NRG1: variants seen among roughly 807,000 people sequenced by gnomAD.
NRG1 encodes pro-neuregulin-1, membrane-bound isoform.
A neutral mutation model predicts 63.8 loss-of-function variants in NRG1; 18 were observed. The ratio of observed to expected loss-of-function variants is 0.28; its 90% confidence interval spans 0.19 to 0.42. The LOEUF is 0.42. Among genes scored for constraint, NRG1 ranks in the 10% least tolerant of loss-of-function variants. The pLI is 1.00. For missense variants in NRG1, 762 were observed against 814.7 expected, an observed-to-expected ratio of 0.94 and a Z score of 0.79; for synonymous variants, 302 against 301.3, an observed-to-expected ratio of 1.00 and a Z score of -0.02.
intron 1 of NRG1, among the ~76,000 whole-genome samples, chr8:32,251,905 A>T (rs909424116): frequency 6.7e-6 from 1 of 150,168 alleles, no homozygotes; most frequent in African/African-American, 2.5e-5. Context: ...GCATAATGTC[A>T]TTTCTCTAAT....
intron 5 of NRG1, among the ~76,000 whole-genome samples, chr8:32,632,777 A>C (rs1460130232): frequency 6.6e-6 from 1 of 152,172 alleles, no homozygotes. Context: ...AGTTACCATC[A>C]GTTCATCTCT....
chr8:31,670,820 A>G (rs891854243), intron 1 of NRG1, among the ~76,000 whole-genome samples: 1 of 151,890 alleles, frequency 6.6e-6, no homozygotes, highest in East Asian at 1.9e-4. Flanking sequence ...CTTTTATATT[A>G]TGTTCAAGGG....
At chr8:32,720,630 T>C (rs554168569) in intron 5 of NRG1, among the ~76,000 whole-genome samples, 31 of 152,174 alleles carry the variant, frequency 2.0e-4, no homozygotes, top group African/African-American at 9.7e-5. Context: ...AAGAAGAAAA[T>C]GTAGCTTTCT....
rs540956771 is a variant in NRG1, at chr8:31,761,745, A to G, written c.37+122314A>G. On this transcript the variant is annotated intron_variant, in intron 1 of 10. Coordinates refer to the NRG1 transcript ENST00000519301. ...GAAAGATCATTGATCGCAGATTACC[A>G]TAACAAATATAATGATAAAAATAAT... Among the ~76,000 whole-genome samples the G allele has an allele frequency of 3.6e-4, 55 of 152,306 alleles. 1 individual carries two copies. Among genetic ancestry groups the G allele is most frequent in the African/African-American group, 1.2e-3 (48 of 41,578 alleles).
chr8:32,761,579 T>TTATTG (rs1026863047), intron 11 of NRG1, among the ~76,000 whole-genome samples: 4 of 150,206 alleles, frequency 2.7e-5, no homozygotes, highest in Non-Finnish European at 5.9e-5. Flanking sequence ...TTATTTTATT[T>TTATTG]TATTTTATTT....
chr8:32,665,222 G>A (rs1803835913), intron 5 of NRG1, among the ~76,000 whole-genome samples: 1 of 152,084 alleles, frequency 6.6e-6, no homozygotes, highest in South Asian at 2.1e-4. Flanking sequence ...TATTTAGCCT[G>A]TTCTAGTACA....
rs369342664 is a variant in NRG1 at position 32,481,407 on chromosome 8, A to G, written c.38-114421A>G. On this transcript the variant is annotated intron_variant, in intron 1 of 10. Transcript: ENST00000519301. ...AGAACAAAAAAGAAAAAGAGTGACA[A>G]TGCAAGCCACATAGTTGAAGTTGAC... 7.3e-4 allele frequency among the ~76,000 whole-genome samples: 111 copies of G among 152,354 alleles called. 1 individual carries two copies. Among genetic ancestry groups the G allele is most frequent in the African/African-American group, 2.5e-3 (102 of 41,578 alleles).
intron 5 of NRG1, among the ~76,000 whole-genome samples, chr8:32,715,383 G>A (rs1424697778): frequency 6.6e-6 from 1 of 152,098 alleles, no homozygotes; most frequent in African/African-American, 2.4e-5. Context: ...AGACTTAGAG[G>A]AAAATCCAAG....
intron 1 of NRG1, among the ~76,000 whole-genome samples, chr8:31,782,647 T>G (rs928137831): frequency 6.6e-6 from 1 of 152,190 alleles, no homozygotes; most frequent in African/African-American, 2.4e-5. Context: ...AAAATTTCAC[T>G]TAATTTGTGA....
intron 1 of NRG1, among the ~76,000 whole-genome samples, chr8:32,484,208 T>C: frequency 6.6e-6 from 1 of 151,664 alleles, no homozygotes; most frequent in East Asian, 1.9e-4. Flanking sequence ...CTAAGGAGAA[T>C]ACAGTGGAAA....
At chr8:32,615,359 A>G (rs1847163247) in intron 4 of NRG1, among the ~76,000 whole-genome samples, 2 of 152,100 alleles carry the variant, frequency 1.3e-5, no homozygotes, top group Admixed American at 1.3e-4. Context: ...TCAGAGGTAC[A>G]ATGGTAATTT....
intron 1 of NRG1, among the ~76,000 whole-genome samples, chr8:31,809,359 C>CAT (rs1432315927): frequency 1.3e-3 from 190 of 142,256 alleles, no homozygotes; most frequent in African/African-American, 4.7e-3. Context: ...CACACACACA[C>CAT]ATATATATAC....
At chr8:32,356,610 G>T (rs898421989) in intron 1 of NRG1, among the ~76,000 whole-genome samples, 1 of 151,770 alleles carries the variant, frequency 6.6e-6, no homozygotes, top group Admixed American at 6.6e-5. Flanking sequence ...CTGTTGATCT[G>T]CTACGTGCAA....
chr8:32,300,019 A>C (rs1855403014), intron 1 of NRG1, among the ~76,000 whole-genome samples: 1 of 152,198 alleles, frequency 6.6e-6, no homozygotes, highest in African/African-American at 2.4e-5. Flanking sequence ...ACATATAAAT[A>C]ATTGAACAAT....
At chr8:31,719,048 G>T (rs1324613807) in intron 1 of NRG1, among the ~76,000 whole-genome samples, 3 of 152,158 alleles carry the variant, frequency 2.0e-5, no homozygotes, top group Non-Finnish European at 4.4e-5. Flanking sequence ...ATATGTATCA[G>T]TGTGATCTGG....
At position 32,580,386 on chromosome 8, in the gene NRG1, G is replaced by A. The variant is rs989524376; in HGVS notation, c.101-15442G>A. On this transcript the variant is annotated intron_variant, in intron 1 of 11. Transcript: ENST00000356819. The stretch of plus-strand genomic sequence containing the variant: ...AAGTGGGCAGTTATTTAAAAACTTT[G>A]TATTAATTTAGAGAGCTTCATAAAA... Among the ~76,000 whole-genome samples the A allele has an allele frequency of 4.6e-5, 7 of 152,210 alleles. 1 individual carries two copies. Among genetic ancestry groups the A allele is most frequent in the Admixed American group, 4.6e-4 (7 of 15,280 alleles).
chr8:32,251,232 G>C (rs1456243236), intron 1 of NRG1, among the ~76,000 whole-genome samples: 2 of 151,594 alleles, frequency 1.3e-5, no homozygotes, highest in African/African-American at 4.9e-5. Flanking sequence ...AACAGGCCCT[G>C]GTGTGTGATG....
At chr8:31,861,565 G>A (rs918689293) in intron 1 of NRG1, among the ~76,000 whole-genome samples, 9 of 152,052 alleles carry the variant, frequency 5.9e-5, no homozygotes, top group African/African-American at 2.2e-4. Context: ...CTCACATAGG[G>A]GTCATCACAA....
chr8:32,448,755 G>A (rs1820589253), intron 1 of NRG1, among the ~76,000 whole-genome samples: 1 of 152,114 alleles, frequency 6.6e-6, no homozygotes, highest in Non-Finnish European at 1.5e-5. Context: ...ACGCCCCCAG[G>A]GGTCCCCCCT....
Sources: gnomAD v4.1 joint callset for allele counts (sites outside exome capture counted in the v4.1 genomes callset) on GRCh38, gnomAD v4.1.1 for gene constraint, MANE v1.5 for transcripts, NCBI Gene and HGNC (gene_info 2026-07-23, HGNC 2026-07-21) for gene names.